The following MBNL2 variants were observed in gnomAD, a reference collection of about 807,000 sequenced individuals.
The protein encoded by MBNL2 is muscleblind-like protein 2.
MBNL2 carries 17 observed loss-of-function variants against 41.9 expected under a neutral mutation model. The observed-to-expected ratio is 0.41, with a 90% CI of 0.28 to 0.61. The LOEUF (loss-of-function observed/expected upper bound fraction) is 0.61, where lower values mean the gene tolerates loss of function less well. Among genes scored for constraint, MBNL2 ranks in the 20% least tolerant of loss-of-function variants. The probability of loss-of-function intolerance (pLI) is 0.35; values close to 1 mark genes in which losing one functional copy is unlikely to be tolerated. For synonymous variants in MBNL2, 195 were observed against 182.9 expected, an observed-to-expected ratio of 1.07 and a Z score of -0.53; for missense variants, 336 against 505.6, an observed-to-expected ratio of 0.66 and a Z score of 3.22.
At chr13:97,218,911 T>C (rs2040636087), upstream of MBNL2, among the ~76,000 whole-genome samples, 1 of 144,194 alleles carries the variant, frequency 6.9e-6, no homozygotes, top group South Asian at 2.3e-4. Context: ...TGTTAGAGAG[T>C]CAATTGTGAC....
At chr13:97,154,978 C>G in the MBNL2 span, among the ~76,000 whole-genome samples, 6 of 152,044 alleles carry the variant, frequency 3.9e-5, no homozygotes. Context: ...ATTAAAAAAC[C>G]TTTTGGACAG....
chr13:97,318,648 A>T (rs1282905750), intron 2 of MBNL2, among the ~76,000 whole-genome samples: 1 of 152,248 alleles, frequency 6.6e-6, no homozygotes, highest in East Asian at 1.9e-4. Flanking sequence ...AATACATTTG[A>T]CTAGCAGTTT....
intron 8 of MBNL2, among the ~76,000 whole-genome samples, chr13:97,373,987 T>A (rs1165634804): frequency 6.6e-6 from 1 of 151,192 alleles, no homozygotes; most frequent in Non-Finnish European, 1.5e-5. Flanking sequence ...AGAGAAAATG[T>A]CAAGAGTCCT....
chr13:97,351,701 A>C (rs2062476890), intron 5 of MBNL2, among the ~76,000 whole-genome samples: 6 of 152,136 alleles, frequency 3.9e-5, no homozygotes, highest in Admixed American at 3.9e-4. Flanking sequence ...CAGCCTTCAT[A>C]GAATTGAGGA....
At chr13:97,329,339 T>C (rs1321244811) in intron 2 of MBNL2, among the ~76,000 whole-genome samples, 1 of 152,166 alleles carries the variant, frequency 6.6e-6, no homozygotes, top group Non-Finnish European at 1.5e-5. Context: ...AAATTAGAAA[T>C]ATGAAATATA....
intron 1 of MBNL2, among the ~76,000 whole-genome samples, chr13:97,262,312 C>T (rs1049229691): frequency 6.6e-6 from 1 of 152,208 alleles, no homozygotes; most frequent in Admixed American, 6.5e-5. Flanking sequence ...ACTTCCCCTT[C>T]GTGACACCTA....
intron 1 of MBNL2, among the ~76,000 whole-genome samples, chr13:97,228,490 C>A (rs2041957604): frequency 1.3e-5 from 2 of 149,890 alleles, no homozygotes; most frequent in East Asian, 3.9e-4. Flanking sequence ...ATATATATAT[C>A]TTACATGTAT....
At chr13:97,167,212 C>A in the MBNL2 span, among the ~76,000 whole-genome samples, 1 of 151,986 alleles carries the variant, frequency 6.6e-6, no homozygotes, top group Non-Finnish European at 1.5e-5. Flanking sequence ...GGAATCGAGG[C>A]CAAAACCAAA....
intron 2 of MBNL2, among the ~76,000 whole-genome samples, chr13:97,331,914 T>C (rs2060470051): frequency 6.6e-6 from 1 of 152,228 alleles, no homozygotes; most frequent in Non-Finnish European, 1.5e-5. Flanking sequence ...AGTCCCAGTT[T>C]TATCAAGAGA....
the MBNL2 span, among the ~76,000 whole-genome samples, chr13:97,183,513 A>G: frequency 6.6e-6 from 1 of 152,152 alleles, no homozygotes; most frequent in Non-Finnish European, 1.5e-5. Context: ...CCAAACTGTC[A>G]TCATATTCTG....
At chr13:97,170,020 C>T in the MBNL2 span, among the ~76,000 whole-genome samples, 1 of 152,196 alleles carries the variant, frequency 6.6e-6, no homozygotes, top group Admixed American at 6.5e-5. Flanking sequence ...ATCCAAACAA[C>T]CATCACCTTA....
At chr13:97,322,888 G>A (rs1365321617) in intron 2 of MBNL2, among the ~76,000 whole-genome samples, 1 of 152,198 alleles carries the variant, frequency 6.6e-6, no homozygotes, top group Non-Finnish European at 1.5e-5. Context: ...CAGATGGGCA[G>A]CAGCCAATCA....
At chr13:97,187,636 G>A in the MBNL2 span, among the ~76,000 whole-genome samples, 1 of 147,288 alleles carries the variant, frequency 6.8e-6, no homozygotes, top group Non-Finnish European at 1.5e-5. Flanking sequence ...GGCCGGGCGC[G>A]GTGGCTCACG....
the MBNL2 span, among the ~76,000 whole-genome samples, chr13:97,162,955 C>A: frequency 6.6e-6 from 1 of 152,002 alleles, no homozygotes. Flanking sequence ...TCCTAGGAAC[C>A]AGATTCTGAG....
At chr13:97,350,006 C>G (rs1016713272) in intron 5 of MBNL2, among the ~76,000 whole-genome samples, 2 of 152,102 alleles carry the variant, frequency 1.3e-5, no homozygotes, top group African/African-American at 2.4e-5. Context: ...ATTGACTCAG[C>G]CTGGGTCCCA....
Position 97,343,367 on chromosome 13 carries a change from T to A in MBNL2, c.540+151T>A, listed in dbSNP as rs567133309. 5 of 623,582 alleles carry A rather than the reference T, an allele frequency of 8.0e-6. No individual in the cohort carries two copies. In the South Asian group the frequency reaches 1.1e-4, roughly 14 times the overall value. 38.6% of individuals were successfully genotyped at this position (623,582 alleles called of 1,614,324 possible). On this transcript the variant is annotated intron_variant, in intron 4 of 8. Transcript: ENST00000679496. Reference sequence around the variant, plus strand: ...CACCTAAAACCCATGTATTCATAACTCTGTGGTTTGAAGTTAAGGCCAAGT... The same window carrying A: ...CACCTAAAACCCATGTATTCATAACACTGTGGTTTGAAGTTAAGGCCAAGT...
At chr13:97,337,419 G>A (rs958459469) in intron 3 of MBNL2, among the ~76,000 whole-genome samples, 9 of 152,118 alleles carry the variant, frequency 5.9e-5, no homozygotes, top group African/African-American at 2.2e-4. Context: ...TCTCTCCTTT[G>A]TTAAACACTC....
intron 5 of MBNL2, among the ~76,000 whole-genome samples, chr13:97,349,014 C>T (rs370716569): frequency 3.3e-5 from 5 of 152,330 alleles, no homozygotes; most frequent in African/African-American, 1.2e-4. Flanking sequence ...TATTTCCATA[C>T]ACCTTGAGCA....
intron 1 of MBNL2, among the ~76,000 whole-genome samples, chr13:97,265,995 A>C (rs1357010758): frequency 6.6e-6 from 1 of 152,074 alleles, no homozygotes; most frequent in East Asian, 1.9e-4. Flanking sequence ...TAATCCCAGC[A>C]CTTTGGGAGG....
Sources: allele counts gnomAD v4.1 joint callset (sites outside exome capture counted in the v4.1 genomes callset), GRCh38; gene constraint gnomAD v4.1.1; transcripts MANE v1.5; gene names NCBI Gene and HGNC (gene_info 2026-07-23, HGNC 2026-07-21).